The following WDR70 variants were observed in gnomAD, a reference collection of about 807,000 sequenced individuals.
The protein encoded by WDR70 is WD repeat-containing protein 70.
In WDR70, 53 loss-of-function variants were observed where a neutral mutation model predicts 88.6. The observed-to-expected ratio is 0.60, with a 90% CI of 0.48 to 0.75. The LOEUF (loss-of-function observed/expected upper bound fraction) is 0.75. WDR70 is among the 30% of genes least tolerant of loss of function. The pLI, the probability that WDR70 is intolerant of heterozygous loss-of-function variation, is 0.00. For synonymous variants in WDR70, 280 were observed against 270.0 expected, an observed-to-expected ratio of 1.04 and a Z score of -0.36; for missense variants, 610 against 823.2, an observed-to-expected ratio of 0.74 and a Z score of 3.17.
intron 10 of WDR70, among the ~76,000 whole-genome samples, chr5:37,618,914 G>GT (rs1744425083): frequency 6.6e-6 from 1 of 152,182 alleles, no homozygotes; most frequent in African/African-American, 2.4e-5. Context: ...CTGGACAAGG[G>GT]TTTTAGTGGT....
chr5:37,605,298 CCTT>C, intron 10 of WDR70, 60 bp downstream of exon 10: 1 of 1,496,454 alleles, frequency 6.7e-7, no homozygotes, highest in Non-Finnish European at 9.0e-7. Flanking sequence ...AAGATGGCCA[CCTT>C]ACAAAGACAA....
intron 7 of WDR70, among the ~76,000 whole-genome samples, chr5:37,455,243 C>CTTTTTTTTTTTTTTTT (rs544303522): frequency 1.6e-5 from 2 of 123,116 alleles, no homozygotes; most frequent in African/African-American, 2.9e-5. Flanking sequence ...TTCTTTCTTT[C>CTTTTTTTTTTTTTTTT]TTTTTTTTTT....
chr5:37,508,155 A>G (rs868216620), intron 8 of WDR70, among the ~76,000 whole-genome samples: 16 of 152,164 alleles, frequency 1.1e-4, no homozygotes, highest in African/African-American at 3.1e-4. Context: ...GTCCCCCCCA[A>G]ATATATATAT....
At chr5:37,744,102 G>A (rs1410411976) in intron 17 of WDR70, among the ~76,000 whole-genome samples, 1 of 152,158 alleles carries the variant, frequency 6.6e-6, no homozygotes, top group Non-Finnish European at 1.5e-5. Context: ...CTCCTTGAGT[G>A]ACATCTCCAG....
At chr5:37,387,303 C>G (rs147855942) in intron 3 of WDR70, among the ~76,000 whole-genome samples, 1 of 152,030 alleles carries the variant, frequency 6.6e-6, no homozygotes, top group Non-Finnish European at 1.5e-5. Context: ...GGTGTAGTAG[C>G]TTATAAACAG....
At chr5:37,499,118 CT>C (rs1249708604) in intron 8 of WDR70, among the ~76,000 whole-genome samples, 225 of 144,440 alleles carry the variant, frequency 1.6e-3, no homozygotes, top group Non-Finnish European at 1.1e-3. Context: ...GTTTGTCATT[CT>C]TTTTTTTTTT....
chr5:37,516,536 C>T lies in WDR70; in HGVS notation c.863C>T (p.Thr288Ile). 6.2e-7 allele frequency: 1 copy of T among 1,604,584 alleles called. No homozygotes were observed. The highest frequency in any genetic ancestry group is 8.5e-7 in the Non-Finnish European group (1 of 1,173,780). Residue 288 changes from threonine (T) to isoleucine (I), a missense_variant, in exon 9 of 18, where the codon ACT becomes ATT. Around this residue, in one of 4 missense-constraint regions of WDR70, gnomAD observed 83 missense variants for 155.3 expected, o/e 0.53. Transcript: ENST00000265107. ...AAGGGTCATACAGCAATGCTTCATA[C>T]TGGCTCATGGCATCCCAAAATAAAG... ...NTKGHTAMLH[T>I]GSWHPKIKGE...
At chr5:37,624,120 AT>A (rs1325839942) in intron 10 of WDR70, among the ~76,000 whole-genome samples, 1 of 152,062 alleles carries the variant, frequency 6.6e-6, no homozygotes, top group Non-Finnish European at 1.5e-5. Context: ...AGTCATTCTG[AT>A]GTGGTACAGA....
chr5:37,591,496 T>C (rs1743530860), intron 9 of WDR70, among the ~76,000 whole-genome samples: 2 of 152,206 alleles, frequency 1.3e-5, no homozygotes, highest in Non-Finnish European at 2.9e-5. Context: ...TGAAAGATCA[T>C]TCATAAGACA....
chr5:37,588,905 C>T (rs1743441950), intron 9 of WDR70, among the ~76,000 whole-genome samples: 2 of 152,056 alleles, frequency 1.3e-5, no homozygotes, highest in South Asian at 2.1e-4. Context: ...GCTGGGATTA[C>T]AGGCGCTGGC....
At chr5:37,418,920 C>T (rs959510442) in intron 5 of WDR70, among the ~76,000 whole-genome samples, 5 of 151,626 alleles carry the variant, frequency 3.3e-5, no homozygotes, top group African/African-American at 9.7e-5. Flanking sequence ...CCTGCCAACT[C>T]GCCTGGCTAA....
intron 7 of WDR70, among the ~76,000 whole-genome samples, chr5:37,475,620 G>A (rs1203215898): frequency 6.6e-6 from 1 of 152,026 alleles, no homozygotes; most frequent in East Asian, 1.9e-4. Context: ...TGTGAAATAT[G>A]TTTTTACATT....
intron 5 of WDR70, among the ~76,000 whole-genome samples, chr5:37,402,273 TA>T (rs1180208004): frequency 6.6e-6 from 1 of 150,516 alleles, no homozygotes; most frequent in Non-Finnish European, 1.5e-5. Context: ...TTATACTTTC[TA>T]AATTTAGCCA....
At chr5:37,421,045 C>T (rs1272074841) in intron 5 of WDR70, among the ~76,000 whole-genome samples, 2 of 152,186 alleles carry the variant, frequency 1.3e-5, no homozygotes, top group Non-Finnish European at 2.9e-5. Context: ...TCATATAATC[C>T]TCCTACTGCT....
intron 10 of WDR70, among the ~76,000 whole-genome samples, chr5:37,647,778 G>C (rs1410776171): frequency 6.6e-6 from 1 of 152,218 alleles, no homozygotes; most frequent in Non-Finnish European, 1.5e-5. Flanking sequence ...TGAGCTGCCT[G>C]AAGTTAGAGG....
chr5:37,748,708 A>G (rs1053328692), intron 17 of WDR70, among the ~76,000 whole-genome samples: 1 of 152,234 alleles, frequency 6.6e-6, no homozygotes, highest in East Asian at 1.9e-4. Context: ...AATTTTTGCA[A>G]TCTACCGATC....
chr5:37,739,207 G>A (rs1303798075), intron 17 of WDR70, among the ~76,000 whole-genome samples: 1 of 152,214 alleles, frequency 6.6e-6, no homozygotes, highest in Admixed American at 6.5e-5. Context: ...ATATGGAATA[G>A]TCTGGTTAAA....
chr5:37,720,289 T>C (rs1387684478), intron 13 of WDR70, among the ~76,000 whole-genome samples: 1 of 152,214 alleles, frequency 6.6e-6, no homozygotes, highest in African/African-American at 2.4e-5. Flanking sequence ...GAGTGAGTTC[T>C]ATAGAACCTA....
chr5:37,607,704 T>C (rs1484999718), intron 10 of WDR70, among the ~76,000 whole-genome samples: 1 of 152,222 alleles, frequency 6.6e-6, no homozygotes, highest in Non-Finnish European at 1.5e-5. Flanking sequence ...GGCTACTTAA[T>C]GGACAATATA....
Sources: allele counts gnomAD v4.1 joint callset (sites outside exome capture counted in the v4.1 genomes callset), GRCh38; gene constraint gnomAD v4.1.1; regional missense constraint gnomAD v4.1.1; transcripts MANE v1.5; gene names NCBI Gene and HGNC (gene_info 2026-07-23, HGNC 2026-07-21).